Variants in ENTREP1 observed in about 807,000 individuals in gnomAD.
ENTREP1 encodes endosomal transmembrane epsin interactor 1.
At chr9:69,383,495 T>C in the ENTREP1 span, 1 of 1,514,052 alleles carries the variant, frequency 6.6e-7, no homozygotes, top group Non-Finnish European at 8.8e-7. Context: ...CTCCCTCTCC[T>C]GGCCAAGGAG....
chr9:69,386,836 A>G, the ENTREP1 span: 1 of 152,228 alleles, frequency 6.6e-6, no homozygotes, highest in Non-Finnish European at 1.5e-5. Flanking sequence ...TCTTGTCTCT[A>G]CAGCAGCTTC....
At chr9:69,329,161 T>C in the ENTREP1 span, among the ~76,000 whole-genome samples, 2 of 152,216 alleles carry the variant, frequency 1.3e-5, no homozygotes, top group African/African-American at 4.8e-5. Flanking sequence ...TAAGGTTACT[T>C]CAAACCCACA....
chr9:69,355,885 T>C, the ENTREP1 span, among the ~76,000 whole-genome samples: 412 of 152,338 alleles, frequency 2.7e-3, 1 homozygote, highest in African/African-American at 9.5e-3. Context: ...ATGGAGTGTT[T>C]CAAGTGAGTA....
the ENTREP1 span, among the ~76,000 whole-genome samples, chr9:69,334,662 A>G: frequency 1.3e-5 from 2 of 152,212 alleles, no homozygotes; most frequent in Non-Finnish European, 2.9e-5. Context: ...CCCAGGCTGA[A>G]AAATTACTTT....
chr9:69,375,710 T>C, the ENTREP1 span: 3 of 1,436,188 alleles, frequency 2.1e-6, no homozygotes, highest in South Asian at 2.4e-5. Flanking sequence ...AATTAAAGTA[T>C]TTTTTTTTAC....
the ENTREP1 span, chr9:69,371,546 A>G: frequency 6.2e-7 from 1 of 1,613,860 alleles, no homozygotes; most frequent in East Asian, 2.2e-5. Flanking sequence ...TCTTAAATCT[A>G]GCTGGATTTA....
the ENTREP1 span, among the ~76,000 whole-genome samples, chr9:69,367,386 G>A: frequency 6.6e-6 from 1 of 150,880 alleles, no homozygotes; most frequent in African/African-American, 2.4e-5. Flanking sequence ...TTCTATTTCT[G>A]TGAAAAATGT....
the ENTREP1 span, among the ~76,000 whole-genome samples, chr9:69,345,486 A>G: frequency 1.3e-5 from 2 of 152,216 alleles, no homozygotes; most frequent in African/African-American, 4.8e-5. Context: ...TTATCTATCC[A>G]TCTACCTATA....
the ENTREP1 span, among the ~76,000 whole-genome samples, chr9:69,389,437 A>T: frequency 6.6e-6 from 1 of 152,162 alleles, no homozygotes; most frequent in Non-Finnish European, 1.5e-5. Flanking sequence ...ACTCTCTCCC[A>T]GTCCCTCAGG....
At chr9:69,373,327 C>A in the ENTREP1 span, among the ~76,000 whole-genome samples, 3 of 152,118 alleles carry the variant, frequency 2.0e-5, no homozygotes, top group South Asian at 2.1e-4. Context: ...CCTTTTTGGG[C>A]AAGGGGTTGC....
chr9:69,391,758 A>G, the ENTREP1 span: 1 of 1,613,246 alleles, frequency 6.2e-7, no homozygotes, highest in Non-Finnish European at 8.5e-7. Flanking sequence ...GTGGAGGCTG[A>G]GCGGCCACAC....
the ENTREP1 span, among the ~76,000 whole-genome samples, chr9:69,366,383 G>T: frequency 1.9e-5 from 1 of 52,978 alleles, no homozygotes; most frequent in Non-Finnish European, 3.9e-5. Context: ...ATTCCAACTG[G>T]GGTTTTTTTT....
the ENTREP1 span, among the ~76,000 whole-genome samples, chr9:69,365,812 A>G: frequency 2.0e-5 from 3 of 152,134 alleles, no homozygotes; most frequent in Admixed American, 2.0e-4. Context: ...TTCCCTTAAC[A>G]TAAGGGCCTC....
the ENTREP1 span, among the ~76,000 whole-genome samples, chr9:69,370,637 TC>T: frequency 2.8e-4 from 43 of 152,168 alleles, no homozygotes; most frequent in African/African-American, 1.0e-3. Context: ...ATAAAATGGG[TC>T]TCGGGAAATG....
the ENTREP1 span, among the ~76,000 whole-genome samples, chr9:69,367,868 T>TAA: frequency 1.7e-4 from 24 of 137,268 alleles, 2 homozygotes; most frequent in South Asian, 1.1e-3. Flanking sequence ...CACACATATA[T>TAA]ATAAATATAT....
chr9:69,371,502 A>T, the ENTREP1 span: 1 of 1,610,326 alleles, frequency 6.2e-7, no homozygotes, highest in Non-Finnish European at 8.5e-7. Context: ...ATTTCAGGTA[A>T]ACCTCTTTGT....
At chr9:69,367,740 T>TAC in the ENTREP1 span, among the ~76,000 whole-genome samples, 13 of 109,078 alleles carry the variant, frequency 1.2e-4, no homozygotes, top group East Asian at 2.0e-3. Context: ...AATATATATA[T>TAC]ACACATATAT....
chr9:69,359,061 G>A, the ENTREP1 span, among the ~76,000 whole-genome samples: 55,662 of 151,370 alleles, frequency 0.37, 10,473 homozygotes, highest in Admixed American at 0.42. Context: ...GTGTATCACC[G>A]TGCCTGGCTA....
At chr9:69,356,968 C>A in the ENTREP1 span, among the ~76,000 whole-genome samples, 1 of 151,968 alleles carries the variant, frequency 6.6e-6, no homozygotes, top group Admixed American at 6.6e-5. Context: ...TATAAGAAAT[C>A]ACTTTTCAGC....
Sources: allele counts gnomAD v4.1 joint callset (sites outside exome capture counted in the v4.1 genomes callset), GRCh38; gene constraint gnomAD v4.1.1; transcripts MANE v1.5; gene names NCBI Gene and HGNC (gene_info 2026-07-23, HGNC 2026-07-21).